Variants in NRIP1 observed in about 807,000 individuals in gnomAD.
NRIP1 encodes the protein nuclear receptor-interacting protein 1.
NRIP1 carries 28 observed loss-of-function variants against 75.0 expected under a neutral mutation model. The observed-to-expected ratio is 0.37, with a 90% CI of 0.28 to 0.51. NRIP1 has a LOEUF of 0.51. Among genes scored for constraint, NRIP1 ranks in the 20% least tolerant of loss-of-function variants. The pLI is 0.92. For synonymous variants in NRIP1, 526 were observed against 487.6 expected, an observed-to-expected ratio of 1.08 and a Z score of -1.04; for missense variants, 1,435 against 1,343.7, an observed-to-expected ratio of 1.07 and a Z score of -1.06.
At chr21:14,994,014 T>G (rs545719814) in intron 3 of NRIP1, among the ~76,000 whole-genome samples, 1 of 152,220 alleles carries the variant, frequency 6.6e-6, no homozygotes, top group African/African-American at 2.4e-5. Context: ...TATTTTACTA[T>G]GCCTTGGTAC....
At chr21:14,983,039 C>A (rs561580519) in intron 3 of NRIP1, among the ~76,000 whole-genome samples, 1 of 152,096 alleles carries the variant, frequency 6.6e-6, no homozygotes, top group South Asian at 2.1e-4. Flanking sequence ...GCCTGAGACA[C>A]AACAATATTG....
chr21:14,984,610 G>T (rs933094001), intron 3 of NRIP1, among the ~76,000 whole-genome samples: 7 of 152,186 alleles, frequency 4.6e-5, no homozygotes, highest in Non-Finnish European at 1.0e-4. Flanking sequence ...AGCAGTAGGA[G>T]GTTTGAGAGG....
intron 3 of NRIP1, among the ~76,000 whole-genome samples, chr21:14,976,239 T>C (rs1348652022): frequency 6.6e-6 from 1 of 152,110 alleles, no homozygotes; most frequent in Non-Finnish European, 1.5e-5. Flanking sequence ...ATCTACATCA[T>C]GTGGTGGAAA....
Position 15,032,060 on chromosome 21 carries a change from T to C in NRIP1, c.-458+11435A>G, listed in dbSNP as rs144899262. Among the ~76,000 whole-genome samples, 277 of 152,348 alleles carry C rather than the reference T, an allele frequency of 1.8e-3. 2 individuals carry two copies. The highest frequency in any genetic ancestry group is 6.3e-3 in the African/African-American group (263 of 41,586). On this transcript the variant is annotated intron_variant, in intron 2 of 3. Coordinates refer to ENST00000318948, the MANE Select transcript of NRIP1 (RefSeq NM_003489.4). The stretch of plus-strand genomic sequence containing the variant: ...GGCGCTTGGAGGACACCATCATTCA[T>C]CTGAGATGCTCCCACTCATCTCTGA...
chr21:15,036,747 A>C (rs1382196957), intron 2 of NRIP1, among the ~76,000 whole-genome samples: 1 of 152,200 alleles, frequency 6.6e-6, no homozygotes, highest in East Asian at 1.9e-4. Context: ...GCTACTTAGC[A>C]ATATTTAAAA....
intron 1 of NRIP1, among the ~76,000 whole-genome samples, chr21:15,064,392 C>T (rs1454862431): frequency 6.6e-6 from 1 of 152,190 alleles, no homozygotes; most frequent in African/African-American, 2.4e-5. Flanking sequence ...GCCCGGGGTT[C>T]GGGACCGAGA....
At chr21:14,992,546 T>G (rs758540096) in intron 3 of NRIP1, 1 of 151,630 alleles carries the variant, frequency 6.6e-6, no homozygotes, top group Non-Finnish European at 1.5e-5. Context: ...CCCCAAAAAG[T>G]CTAACTATAA....
intron 3 of NRIP1, chr21:14,991,417 G>A (rs2077460912): frequency 6.6e-6 from 1 of 151,756 alleles, no homozygotes; most frequent in African/African-American, 2.4e-5. Context: ...AGATTCTACT[G>A]CATTTTCCTG....
At chr21:15,058,916 A>C (rs989891008) in intron 1 of NRIP1, among the ~76,000 whole-genome samples, 1 of 152,210 alleles carries the variant, frequency 6.6e-6, no homozygotes, top group African/African-American at 2.4e-5. Flanking sequence ...TAGCTAGATA[A>C]GAAAGTAAAA....
At chr21:14,973,480 A>G (rs554454015) in intron 3 of NRIP1, among the ~76,000 whole-genome samples, 2 of 152,138 alleles carry the variant, frequency 1.3e-5, no homozygotes, top group South Asian at 4.2e-4. Context: ...AAAAAGTAAA[A>G]CCTACACAAT....
chr21:15,010,568 A>G (rs2088078974), intron 3 of NRIP1, among the ~76,000 whole-genome samples: 1 of 152,232 alleles, frequency 6.6e-6, no homozygotes. Flanking sequence ...CCAAATTAAA[A>G]AAATGTTAAT....
rs5842507 is a variant in NRIP1, at chr21:14,979,687, G to GTT, written c.-334-11163_-334-11162dup. Among the ~76,000 whole-genome samples, 460 of 151,628 alleles carry GTT rather than the reference G, an allele frequency of 3.0e-3. 3 individuals carry two copies. The highest frequency in any genetic ancestry group is 2.2e-3 in the Non-Finnish European group (150 of 67,876). On this transcript the variant is annotated intron_variant, in intron 3 of 3. Transcript: ENST00000318948. Reference sequence around the variant, plus strand: ...AATAAGAGGAGAAACCAGTATGTTTGTTTTTTTTAATAGCGACGGGGTTTT... The same window carrying GTT: ...AATAAGAGGAGAAACCAGTATGTTTGTTTTTTTTTTAATAGCGACGGGGTTTT...
intron 3 of NRIP1, among the ~76,000 whole-genome samples, chr21:14,976,004 C>T (rs1430327374): frequency 6.6e-6 from 1 of 152,052 alleles, no homozygotes; most frequent in African/African-American, 2.4e-5. Flanking sequence ...TGGTATTATC[C>T]TTCCTACCAC....
chr21:14,994,920 T>C (rs1188097048), intron 3 of NRIP1, among the ~76,000 whole-genome samples: 1 of 152,228 alleles, frequency 6.6e-6, no homozygotes, highest in Non-Finnish European at 1.5e-5. Context: ...TATTTTTCCC[T>C]CTGAAGTAAA....
At chr21:14,986,955 T>A (rs967845411) in intron 3 of NRIP1, among the ~76,000 whole-genome samples, 1 of 152,204 alleles carries the variant, frequency 6.6e-6, no homozygotes, top group African/African-American at 2.4e-5. Flanking sequence ...CATGACAGAA[T>A]CATAATTTAA....
intron 3 of NRIP1, among the ~76,000 whole-genome samples, chr21:15,004,292 T>C (rs187954104): frequency 2.0e-5 from 3 of 152,336 alleles, no homozygotes; most frequent in Admixed American, 2.0e-4. Flanking sequence ...AGCAACTGGG[T>C]ATAAATTCTG....
At chr21:15,001,586 C>A (rs909339576) in intron 3 of NRIP1, among the ~76,000 whole-genome samples, 8 of 151,880 alleles carry the variant, frequency 5.3e-5, no homozygotes, top group African/African-American at 1.9e-4. Context: ...AAGAAATATG[C>A]AATTTCCTTT....
chr21:14,967,459 C>G lies in NRIP1; in HGVS notation c.734G>C (p.Ser245Thr), dbSNP rs139504918. The change falls in exon 4 of 4, where the codon AGC (serine) becomes ACC (threonine). Residue 245 changes from serine (S) to threonine (T), a missense_variant. Transcript: ENST00000318948. ...AGGACTAGCCCTTTTTTCCACCATG[C>G]TTGCAACAGCCTGTAATCTTGCAGC... is the stretch of plus-strand genomic sequence containing the variant. ...SCAARLQAVA[S>T]MVEKRASPAT... 1,450 of 1,613,802 alleles carry G rather than the reference C, an allele frequency of 9.0e-4. 1 individual carries two copies. Among genetic ancestry groups the G allele is most frequent in the Non-Finnish European group, 1.2e-3 (1,372 of 1,179,958 alleles).
Position 14,995,741 on chromosome 21 carries a change from G to T in NRIP1, c.-335+18603C>A, listed in dbSNP as rs114198035. Among the ~76,000 whole-genome samples, 671 of 151,996 alleles carry T rather than the reference G, an allele frequency of 4.4e-3. 5 individuals are homozygous for T. Among genetic ancestry groups the T allele is most frequent in the African/African-American group, 0.016 (645 of 41,506 alleles). ...AATGTAAATTTGTCTGACAACTGTT[G>T]TGATAACTGGTTTAGCTGTGTGTGC... On this transcript the variant is annotated intron_variant, in intron 3 of 3. Coordinates refer to ENST00000318948, the MANE Select transcript of NRIP1 (RefSeq NM_003489.4).
Sources: gnomAD v4.1 joint callset for allele counts (sites outside exome capture counted in the v4.1 genomes callset) on GRCh38, gnomAD v4.1.1 for gene constraint, MANE v1.5 for transcripts, NCBI Gene and HGNC (gene_info 2026-07-23, HGNC 2026-07-21) for gene names.